The following TP73 variants were observed in gnomAD, a reference collection of about 807,000 sequenced individuals.
TP73 encodes the protein tumor protein p73.
A neutral mutation model predicts 62.5 loss-of-function variants in TP73; 25 were observed. That is an observed-to-expected ratio of 0.40 (90% CI 0.29 to 0.56). TP73 has a LOEUF of 0.56. TP73 is among the 20% of genes least tolerant of loss of function. The probability of loss-of-function intolerance (pLI) is 0.46; values close to 1 mark genes in which losing one functional copy is unlikely to be tolerated. For missense variants in TP73, 754 were observed against 913.3 expected, an observed-to-expected ratio of 0.83 and a Z score of 2.25; for synonymous variants, 423 against 377.5, an observed-to-expected ratio of 1.12 and a Z score of -1.40.
At chr1:3,678,377 A>G (rs971074576) in intron 1 of TP73, among the ~76,000 whole-genome samples, 57 of 151,892 alleles carry the variant, frequency 3.8e-4, no homozygotes, top group Middle Eastern at 3.4e-3. Context: ...CCCCCAACAG[A>G]GCTTCCTGTT....
At chr1:3,726,276 G>A in intron 6 of TP73, among the ~76,000 whole-genome samples, 1 of 63,124 alleles carries the variant, frequency 1.6e-5, no homozygotes, top group Non-Finnish European at 4.9e-5. Context: ...GGGTGGATGT[G>A]TGGGTGGGTG....
rs1053767011 is a variant in TP73 at position 3,662,072 on chromosome 1, A to G, written c.-34+9431A>G. 1 of 151,274 alleles carries G rather than the reference A, an allele frequency of 6.6e-6. No individual in the cohort carries two copies. Among genetic ancestry groups the G allele is most frequent in the Non-Finnish European group, 1.5e-5 (1 of 67,922 alleles). The allele number at this position is 151,274 out of a possible 1,614,324, so 9.4% of individuals were successfully genotyped here. A position where few individuals can be genotyped will look rare whatever the true frequency, so the allele number is the denominator to read the frequency against. ...AGACCCTGTCTCAAAAAAAAAAAGA[A>G]CTAGTTCACACCCATGTTTCCTCCT... On this transcript the variant is annotated intron_variant, in intron 1 of 13. Coordinates refer to ENST00000378295, the MANE Select transcript of TP73 (RefSeq NM_005427.4). This position sits in a 1 kb window ranked among gnomAD's most constrained non-coding sequence, Gnocchi z 4.4.
At chr1:3,698,130 C>T (rs979802452) in intron 3 of TP73, 4 of 985,446 alleles carry the variant, frequency 4.1e-6, no homozygotes, top group African/African-American at 1.7e-5. Flanking sequence ...CAGGTGGCGC[C>T]TGATTCACAT....
At chr1:3,707,953 C>T (rs1297673396) in intron 4 of TP73, 162 bp downstream of exon 4, 1 of 1,199,026 alleles carries the variant, frequency 8.3e-7, no homozygotes, top group Non-Finnish European at 1.1e-6. Context: ...AGGCGGGTCT[C>T]AGGGCCGGGC....
intron 4 of TP73, among the ~76,000 whole-genome samples, chr1:3,711,529 G>A (rs549625730): frequency 6.6e-6 from 1 of 152,364 alleles, no homozygotes; most frequent in South Asian, 2.1e-4. Flanking sequence ...TCTGCCCCCA[G>A]CTCAGCCTCA....
chr1:3,706,431 AATAGGG>A (rs1178225908), intron 3 of TP73, among the ~76,000 whole-genome samples: 11,634 of 126,456 alleles, frequency 0.092, 2,376 homozygotes, highest in Middle Eastern at 0.18. Context: ...GGAGGGGGGT[AATAGGG>A]ACAATCACGG....
rs1265279908 is a variant in TP73, at chr1:3,663,772, A to G, written c.-34+11131A>G. Among the ~76,000 whole-genome samples, 2 of 151,950 alleles carry G rather than the reference A, an allele frequency of 1.3e-5. No homozygotes were observed. Among genetic ancestry groups the G allele is most frequent in the Non-Finnish European group, 2.9e-5 (2 of 67,994 alleles). ...GCTGGGGCCAGGTCTGAAGGCTCTG[A>G]TCTTCCTTTCTTCTGGGTCTAGGGC... On this transcript the variant is annotated intron_variant, in intron 1 of 13. Coordinates refer to ENST00000378295, the MANE Select transcript of TP73 (RefSeq NM_005427.4). This position sits in a 1 kb window ranked among gnomAD's most constrained non-coding sequence, Gnocchi z 4.7.
intron 3 of TP73, among the ~76,000 whole-genome samples, chr1:3,685,567 C>T (rs1570439643): frequency 6.6e-6 from 1 of 152,200 alleles, no homozygotes; most frequent in East Asian, 1.9e-4. Flanking sequence ...GCTGCTGGGC[C>T]AAGAGCATGC....
At position 3,686,264 on chromosome 1, in the gene TP73, G is replaced by A. The variant is rs190537285; in HGVS notation, c.186+3084G>A. 1.8e-3 allele frequency among the ~76,000 whole-genome samples: 274 copies of A among 152,368 alleles called. 1 individual carries two copies. Among genetic ancestry groups the A allele is most frequent in the African/African-American group, 5.7e-3 (237 of 41,590 alleles). ...GCATCTGGGGGACGTGGGTCTCCCC[G>A]AACCACGAGCAGGCAGATTGGTTCC... On this transcript the variant is annotated intron_variant, in intron 3 of 13. Coordinates refer to ENST00000378295, the MANE Select transcript of TP73 (RefSeq NM_005427.4).
chr1:3,734,855 G>C lies in TP73; in HGVS notation c.*1776G>C, dbSNP rs1642371985. Reference sequence around the variant, plus strand: ...GGAACGGGGCTGTCGGCTCTCAGGGGATCTGGCTGCAGCCAGGGCGAGGGC... The same window carrying C: ...GGAACGGGGCTGTCGGCTCTCAGGGCATCTGGCTGCAGCCAGGGCGAGGGC... On this transcript the variant is annotated 3_prime_UTR_variant, in exon 14 of 14. Coordinates refer to ENST00000378295, the MANE Select transcript of TP73 (RefSeq NM_005427.4). The surrounding 1 kb of genome is among the most constrained non-coding windows in gnomAD (Gnocchi z 4.4). 1 of 152,342 alleles carries C rather than the reference G, an allele frequency of 6.6e-6. No individual in the cohort carries two copies. The highest frequency in any genetic ancestry group is 2.4e-5 in the African/African-American group (1 of 41,438). The allele number at this position is 152,342 out of a possible 1,614,324, so 9.4% of individuals were successfully genotyped here. A position where few individuals can be genotyped will look rare whatever the true frequency, so the allele number is the denominator to read the frequency against.
chr1:3,727,417 G>C (rs1641739536), intron 7 of TP73, 193 bp downstream of exon 7: 1 of 929,786 alleles, frequency 1.1e-6, no homozygotes, highest in African/African-American at 1.7e-5. Context: ...TCCGGAGGGA[G>C]GTGGGAGTCC....
chr1:3,695,533 A>C (rs1427775105), intron 3 of TP73, among the ~76,000 whole-genome samples: 1 of 152,208 alleles, frequency 6.6e-6, no homozygotes, highest in African/African-American at 2.4e-5. Context: ...CCCTGTGCTG[A>C]GGAGCAGCAC....
In TP73 at chr1:3,658,833, TTGGGGTG is replaced by T. The variant is rs1183195348; in HGVS notation, c.-34+6193_-34+6199del. 10 of 96,076 alleles carry T rather than the reference TTGGGGTG, an allele frequency of 1.0e-4. No homozygotes were observed. The East Asian group carries it at 2.0e-3, about 19-fold the overall frequency. 6.0% of individuals were successfully genotyped at this position (96,076 alleles called of 1,614,324 possible). A position where few individuals can be genotyped will look rare whatever the true frequency, so the allele number is the denominator to read the frequency against. On this transcript the variant is annotated intron_variant, in intron 1 of 13. Transcript: ENST00000378295. ...TATTCTGGTCTCCTACAGTCATATT[TTGGGGTG>T]ACGTATTCTAGTCTCCTACAGTCAT...
In TP73 at chr1:3,665,652, C is replaced by G. The variant is rs545096282; in HGVS notation, c.-34+13011C>G. Among the ~76,000 whole-genome samples the G allele has an allele frequency of 3.2e-5, 4 of 124,626 alleles. No homozygotes were observed. In the South Asian group the frequency reaches 1.2e-3, roughly 37 times the overall value. 81.8% of individuals were successfully genotyped at this position (124,626 alleles called of 152,430 possible). On this transcript the variant is annotated intron_variant, in intron 1 of 13. Coordinates refer to ENST00000378295, the MANE Select transcript of TP73 (RefSeq NM_005427.4). ...CCCCTAGGTCCTTTGGTTTGTCTCT[C>G]TTTTCTTTTTTTTTTTTTTTTAGAC...
chr1:3,726,355 G>A (rs1641599629), intron 6 of TP73, among the ~76,000 whole-genome samples: 1 of 145,484 alleles, frequency 6.9e-6, no homozygotes, highest in Non-Finnish European at 1.5e-5. Context: ...ATATTGAATG[G>A]ATGGGTGGGT....
intron 1 of TP73, among the ~76,000 whole-genome samples, chr1:3,657,252 T>C (rs1184927652): frequency 6.6e-6 from 1 of 152,184 alleles, no homozygotes; most frequent in Admixed American, 6.5e-5. Flanking sequence ...GAGAGGGGGC[T>C]CGCCTCCTGT....
In TP73 at chr1:3,696,338, G is replaced by A. The variant is rs990547698; in HGVS notation, c.187-11211G>A. 5.9e-5 allele frequency among the ~76,000 whole-genome samples: 9 copies of A among 152,126 alleles called. No homozygotes were observed. The highest frequency in any genetic ancestry group is 1.0e-4 in the Non-Finnish European group (7 of 68,028). ...CAGGAAAGGCCGGCAGGGTCTGGATGTGAGGTGGGTAAGGAGTTGGGGCCA... is the reference window on the plus strand; with the variant it reads ...CAGGAAAGGCCGGCAGGGTCTGGATATGAGGTGGGTAAGGAGTTGGGGCCA... On this transcript the variant is annotated intron_variant, in intron 3 of 13. Transcript: ENST00000378295. The surrounding 1 kb of genome is among the most constrained non-coding windows in gnomAD (Gnocchi z 4.1).
intron 13 of TP73, 64 bp from the exon 14 acceptor site, chr1:3,732,683 G>A: frequency 6.8e-7 from 1 of 1,461,830 alleles, no homozygotes; most frequent in Non-Finnish European, 9.1e-7. Flanking sequence ...TCCAGGCCCA[G>A]GGCGACCCCC....
chr1:3,708,572 C>T (rs914241529), intron 4 of TP73: 1 of 152,352 alleles, frequency 6.6e-6, no homozygotes, highest in Non-Finnish European at 1.5e-5. Flanking sequence ...GAGTTCTGCT[C>T]ATAGTAAGTG....
Sources: allele counts gnomAD v4.1 joint callset (sites outside exome capture counted in the v4.1 genomes callset), GRCh38; gene constraint gnomAD v4.1.1; non-coding constraint Gnocchi (gnomAD v3.1); transcripts MANE v1.5; gene names NCBI Gene and HGNC (gene_info 2026-07-23, HGNC 2026-07-21).